ZMIZ1: variants seen among roughly 807,000 people sequenced by gnomAD.
ZMIZ1 encodes the protein zinc finger MIZ domain-containing protein 1.
In ZMIZ1, 17 loss-of-function variants were observed where a neutral mutation model predicts 113.9. The observed-to-expected ratio is 0.15, with a 90% CI of 0.10 to 0.22. The LOEUF (loss-of-function observed/expected upper bound fraction) is 0.22. Ranked by LOEUF, ZMIZ1 falls within the 10% of genes least tolerant of loss-of-function variation. The pLI is 1.00. For missense variants in ZMIZ1, 1,059 were observed against 1,477.8 expected (o/e 0.72, Z 4.65); for synonymous variants, 607 against 603.1 (o/e 1.01, Z -0.09).
At chr10:79,205,218 T>A (rs753270) in intron 5 of ZMIZ1, among the ~76,000 whole-genome samples, 5 of 152,022 alleles carry the variant, frequency 3.3e-5, no homozygotes, top group African/African-American at 9.7e-5. Flanking sequence ...GTAACAGCCA[T>A]AATTAGGGAG....
intron 1 of ZMIZ1, among the ~76,000 whole-genome samples, chr10:79,083,112 A>G (rs1322859886): frequency 6.6e-6 from 1 of 152,272 alleles, no homozygotes; most frequent in Non-Finnish European, 1.5e-5. Context: ...GCAGGTCAAC[A>G]ACTTAATGCA....
At chr10:79,095,785 T>G (rs1843148064) in intron 1 of ZMIZ1, among the ~76,000 whole-genome samples, 1 of 152,198 alleles carries the variant, frequency 6.6e-6, no homozygotes, top group Non-Finnish European at 1.5e-5. Flanking sequence ...CAGACTTCAT[T>G]GTTCTAAGCC....
chr10:79,305,265 C>G (rs777766321), intron 20 of ZMIZ1, 34 bp downstream of exon 20: 2 of 1,611,056 alleles, frequency 1.2e-6, no homozygotes, highest in African/African-American at 2.7e-5. Context: ...GGGCTTCCCC[C>G]ATCCCCCAAC....
chr10:79,084,974 A>T (rs1842763514), intron 1 of ZMIZ1, among the ~76,000 whole-genome samples: 1 of 151,926 alleles, frequency 6.6e-6, no homozygotes, highest in South Asian at 2.1e-4. Context: ...TCCTTTCTTC[A>T]CCTTGAAGGT....
intron 4 of ZMIZ1, among the ~76,000 whole-genome samples, chr10:79,166,944 C>T (rs893230497): frequency 2.0e-5 from 3 of 152,258 alleles, no homozygotes; most frequent in African/African-American, 7.2e-5. Context: ...CTGGCCCCAG[C>T]CTCCTTTCAC....
chr10:79,272,311 TA>T (rs1589534645), intron 7 of ZMIZ1, among the ~76,000 whole-genome samples: 1 of 151,866 alleles, frequency 6.6e-6, no homozygotes, highest in East Asian at 1.9e-4. Flanking sequence ...AATAGCACAA[TA>T]ACCCTAAAGA....
rs72818245 is a variant in ZMIZ1 at position 79,266,706 on chromosome 10, C to T, written c.281-10475C>T. On this transcript the variant is annotated intron_variant, in intron 7 of 24. Coordinates refer to ENST00000334512, the MANE Select transcript of ZMIZ1 (RefSeq NM_020338.4). ...TGTGAGTCTCTGTGGTCATGTGCTT[C>T]CTGTGCTATTTCCTCCTGGGAGATG... Among the ~76,000 whole-genome samples the T allele has an allele frequency of 2.4e-3, 358 of 152,314 alleles. 1 individual carries two copies. The highest frequency in any genetic ancestry group is 8.3e-3 in the African/African-American group (343 of 41,562).
At chr10:79,116,339 T>C (rs923028034) in intron 1 of ZMIZ1, among the ~76,000 whole-genome samples, 34 of 152,020 alleles carry the variant, frequency 2.2e-4, no homozygotes, top group African/African-American at 8.0e-4. Context: ...GAGCTTCTGC[T>C]TGGAGAACTC....
intron 7 of ZMIZ1, among the ~76,000 whole-genome samples, chr10:79,223,736 G>C (rs1353543497): frequency 6.6e-6 from 1 of 152,256 alleles, no homozygotes; most frequent in Non-Finnish European, 1.5e-5. Context: ...AGGATGGTCA[G>C]ATGTGGAGTA....
chr10:79,300,954 G>A lies in ZMIZ1; in HGVS notation c.2019+12G>A. On this transcript the variant is annotated intron_variant, in intron 17 of 24. Coordinates refer to ENST00000334512, the MANE Select transcript of ZMIZ1 (RefSeq NM_020338.4). ...CGGCCTGCTGCTGCGTGAGTGTGGTGGGCCAGGGGCAGCGTTGGCACAGGC... is the reference window on the plus strand; with the variant it reads ...CGGCCTGCTGCTGCGTGAGTGTGGTAGGCCAGGGGCAGCGTTGGCACAGGC... 2 of 1,606,598 alleles carry A rather than the reference G, an allele frequency of 1.2e-6. No individual in the cohort carries two copies. Among genetic ancestry groups the A allele is most frequent in the Non-Finnish European group, 1.7e-6 (2 of 1,179,750 alleles).
intron 4 of ZMIZ1, among the ~76,000 whole-genome samples, chr10:79,184,481 T>C (rs1180956182): frequency 6.6e-6 from 1 of 152,108 alleles, no homozygotes; most frequent in Non-Finnish European, 1.5e-5. Context: ...ACTAATTAAA[T>C]GAGATAATGT....
At chr10:79,308,266 A>G (rs894840135) in intron 23 of ZMIZ1, among the ~76,000 whole-genome samples, 6 of 152,216 alleles carry the variant, frequency 3.9e-5, no homozygotes, top group Non-Finnish European at 2.9e-5. Context: ...TGCGCAGGCC[A>G]TGTGACAGGT....
At chr10:79,145,050 C>A (rs2132429055) in intron 3 of ZMIZ1, among the ~76,000 whole-genome samples, 1 of 152,150 alleles carries the variant, frequency 6.6e-6, no homozygotes, top group South Asian at 2.1e-4. Flanking sequence ...CACCTTCTTC[C>A]CCTTCTGTTT....
At position 79,290,973 on chromosome 10, in the gene ZMIZ1, T is replaced by A. The variant is rs1853455848; in HGVS notation, c.555T>A (p.Pro185=). ...NTSQSQVLGN[P]MANANNPMNP... Reference sequence around the variant, plus strand: ...TCTGCCCACAGGTCCTTGGGAACCCTATGGCCAATGCCAACAACCCCATGA... The same window carrying A: ...TCTGCCCACAGGTCCTTGGGAACCCAATGGCCAATGCCAACAACCCCATGA... Residue 185 remains proline (P), a synonymous_variant, in exon 10 of 25, where the codon CCT becomes CCA. Transcript: ENST00000334512. 1 of 1,613,898 alleles carries A rather than the reference T, an allele frequency of 6.2e-7. No individual in the cohort carries two copies. The highest frequency in any genetic ancestry group is 8.5e-7 in the Non-Finnish European group (1 of 1,179,946).
At chr10:79,177,283 T>A (rs1254486156) in intron 4 of ZMIZ1, among the ~76,000 whole-genome samples, 1 of 151,824 alleles carries the variant, frequency 6.6e-6, no homozygotes, top group Non-Finnish European at 1.5e-5. Flanking sequence ...AGTCTGTGTT[T>A]CCACTGTAAA....
At chr10:79,121,723 A>C (rs1237138038) in intron 2 of ZMIZ1, among the ~76,000 whole-genome samples, 1 of 152,164 alleles carries the variant, frequency 6.6e-6, no homozygotes. Flanking sequence ...TCTGCTTGGC[A>C]TGGGTGGTAG....
intron 2 of ZMIZ1, among the ~76,000 whole-genome samples, chr10:79,138,818 T>G (rs1845134091): frequency 6.6e-6 from 1 of 152,320 alleles, no homozygotes; most frequent in East Asian, 1.9e-4. Context: ...ATCAGAAATA[T>G]ATAACTAGCC....
chr10:79,188,111 C>T (rs944701339), intron 4 of ZMIZ1, among the ~76,000 whole-genome samples: 4 of 152,212 alleles, frequency 2.6e-5, no homozygotes, highest in South Asian at 2.1e-4. Flanking sequence ...TGACGTAGTA[C>T]ATAATGAAGG....
chr10:79,293,583 A>T lies in ZMIZ1; in HGVS notation c.1160A>T (p.Gln387Leu). Reference sequence around the variant, plus strand: ...GGCACACACGGGCAGCGGATGCCCCAGCAGACCTACCCGGGCCCCCGGCCC... The same window carrying T: ...GGCACACACGGGCAGCGGATGCCCCTGCAGACCTACCCGGGCCCCCGGCCC... Reference protein sequence around the residue: ...PFGTHGQRMPQQTYPGPRPQS... With the variant: ...PFGTHGQRMPLQTYPGPRPQS... The change falls in exon 12 of 25, where the codon CAG becomes CTG. Residue 387 changes from glutamine (Q) to leucine (L), a missense_variant. Physicochemically the swap from Gln to Leu is moderately radical, Grantham distance 113 (BLOSUM62 -2). Coordinates refer to ENST00000334512, the MANE Select transcript of ZMIZ1 (RefSeq NM_020338.4). 6.2e-7 allele frequency: 1 copy of T among 1,613,094 alleles called. No homozygotes were observed. The highest frequency in any genetic ancestry group is 8.5e-7 in the Non-Finnish European group (1 of 1,180,010).
Sources: gnomAD v4.1 joint callset for allele counts (sites outside exome capture counted in the v4.1 genomes callset) on GRCh38, gnomAD v4.1.1 for gene constraint, MANE v1.5 for transcripts, NCBI Gene and HGNC (gene_info 2026-07-23, HGNC 2026-07-21) for gene names.